The following ST8SIA4 variants were observed in gnomAD, a reference collection of about 807,000 sequenced individuals.
ST8SIA4 encodes CMP-N-acetylneuraminate-poly-alpha-2,8-sialyltransferase.
ST8SIA4 carries 15 observed loss-of-function variants against 33.9 expected under a neutral mutation model. The ratio of observed to expected loss-of-function variants is 0.44; its 90% confidence interval spans 0.30 to 0.68. The LOEUF (loss-of-function observed/expected upper bound fraction) is 0.68. Among genes scored for constraint, ST8SIA4 ranks in the 30% least tolerant of loss-of-function variants. The pLI is 0.10. For missense variants in ST8SIA4, 321 were observed against 428.0 expected, an observed-to-expected ratio of 0.75 and a Z score of 2.21; for synonymous variants, 171 against 151.2, an observed-to-expected ratio of 1.13 and a Z score of -0.96.
chr5:100,889,899 C>T lies in ST8SIA4; in HGVS notation c.246-3299G>A, dbSNP rs73777436. ...ATTTCAAAACAGAAAAGACTACCAA[C>T]TCACATAGACTAATCAAAATATAAA... On this transcript the variant is annotated intron_variant, in intron 2 of 4. Transcript: ENST00000231461. 8.9e-3 allele frequency among the ~76,000 whole-genome samples: 1,360 copies of T among 151,960 alleles called. 16 individuals carry two copies. The highest frequency in any genetic ancestry group is 0.031 in the African/African-American group (1,302 of 41,514).
At chr5:100,835,652 G>C (rs1187284962) in intron 4 of ST8SIA4, among the ~76,000 whole-genome samples, 1 of 152,130 alleles carries the variant, frequency 6.6e-6, no homozygotes, top group Non-Finnish European at 1.5e-5. Context: ...CATTATAGAT[G>C]CTGTGGTTGC....
At position 100,886,529 on chromosome 5, in the gene ST8SIA4, T is replaced by A. The variant is rs1241900815; in HGVS notation, c.317A>T (p.Asp106Val). The change falls in exon 3 of 5, where the codon GAT (aspartate) becomes GTT (valine). Residue 106 changes from aspartate (D) to valine (V), a missense_variant. Asp to Val is a radical substitution (Grantham distance 152). Transcript: ENST00000231461. Reference protein sequence around the residue: ...SVVKSSFKPGDVIHYVLDRRR... With the variant: ...SVVKSSFKPGVVIHYVLDRRR... ...CCTGTCAAGCACATAGTGTATGACATCACCAGGCTTAAAACTGCTCTTGAC... is the reference window on the plus strand; with the variant it reads ...CCTGTCAAGCACATAGTGTATGACAACACCAGGCTTAAAACTGCTCTTGAC... The A allele has an allele frequency of 4.3e-6, 7 of 1,613,756 alleles. No homozygotes were observed. Among genetic ancestry groups the A allele is most frequent in the Non-Finnish European group, 5.1e-6 (6 of 1,179,788 alleles).
chr5:100,890,846 T>C (rs112132157), intron 2 of ST8SIA4: 1 of 152,064 alleles, frequency 6.6e-6, no homozygotes, highest in African/African-American at 2.4e-5. Context: ...AAAACTATTT[T>C]TTTTGTTAGG....
At chr5:100,886,700 A>T in intron 2 of ST8SIA4, 100 bp from the exon 3 acceptor site, 3 of 977,776 alleles carry the variant, frequency 3.1e-6, no homozygotes, top group Non-Finnish European at 4.6e-6. Context: ...ACAAATTGGC[A>T]AACTATTAAT....
intron 2 of ST8SIA4, 109 bp downstream of exon 2, chr5:100,895,545 T>G (rs947599342): frequency 4.7e-6 from 5 of 1,055,504 alleles, no homozygotes; most frequent in Non-Finnish European, 6.8e-6. Context: ...TTCTTTTATT[T>G]AAGTATTCAT....
Position 100,903,001 on chromosome 5 carries a change from C to G in ST8SIA4, c.-46G>C. 1 of 1,397,288 alleles carries G rather than the reference C, an allele frequency of 7.2e-7. No individual in the cohort carries two copies. 86.6% of individuals were successfully genotyped at this position (1,397,288 alleles called of 1,614,324 possible). On this transcript the variant is annotated 5_prime_UTR_variant, in exon 1 of 5. Coordinates refer to ENST00000231461, the MANE Select transcript of ST8SIA4 (RefSeq NM_005668.6). ...CTGGTTGCCCCAGCTCCCGCACCTT[C>G]TCTTGATATAAAGGCTCCGTTTTGG... is the stretch of plus-strand genomic sequence containing the variant.
chr5:100,886,131 CTA>C (rs1752530386), intron 3 of ST8SIA4: 3 of 1,344,190 alleles, frequency 2.2e-6, no homozygotes, highest in Non-Finnish European at 1.9e-6. Context: ...AATCTTGTTG[CTA>C]TGACAGGATC....
In ST8SIA4 at chr5:100,808,686, A is replaced by G. The variant is rs987951568; in HGVS notation, c.*3161T>C. 6.5e-6 allele frequency: 1 copy of G among 152,672 alleles called. No homozygotes were observed. The highest frequency in any genetic ancestry group is 6.5e-5 in the Admixed American group (1 of 15,284). 9.5% of individuals were successfully genotyped at this position (152,672 alleles called of 1,614,324 possible). The stretch of plus-strand genomic sequence containing the variant: ...ATTTCAAGTATGCTTTTATAATTTG[A>G]TTTTGTCATGATCCTTTATGCTCCG... On this transcript the variant is annotated 3_prime_UTR_variant, in exon 5 of 5. Coordinates refer to ENST00000231461, the MANE Select transcript of ST8SIA4 (RefSeq NM_005668.6).
chr5:100,879,606 G>T (rs982744409), intron 3 of ST8SIA4, among the ~76,000 whole-genome samples: 1 of 152,058 alleles, frequency 6.6e-6, no homozygotes, highest in Non-Finnish European at 1.5e-5. Flanking sequence ...ATTTCTCTAG[G>T]TTGTAAGACA....
intron 3 of ST8SIA4, among the ~76,000 whole-genome samples, chr5:100,859,116 G>A (rs1249972154): frequency 2.0e-5 from 3 of 152,052 alleles, no homozygotes; most frequent in Non-Finnish European, 4.4e-5. Flanking sequence ...TAACCAACGA[G>A]CTGTGTTGCA....
chr5:100,867,861 AT>A (rs1422561032), intron 3 of ST8SIA4, among the ~76,000 whole-genome samples: 2 of 152,042 alleles, frequency 1.3e-5, no homozygotes, highest in Non-Finnish European at 2.9e-5. Context: ...ATTGGGAAAA[AT>A]ATCATGAGTG....
intron 4 of ST8SIA4, among the ~76,000 whole-genome samples, chr5:100,853,016 A>G (rs1189156783): frequency 6.6e-6 from 1 of 152,222 alleles, no homozygotes; most frequent in Non-Finnish European, 1.5e-5. Flanking sequence ...ATTGCTCATG[A>G]GAGGCAACCA....
chr5:100,854,505 C>A (rs935292104), intron 4 of ST8SIA4, among the ~76,000 whole-genome samples: 1 of 152,094 alleles, frequency 6.6e-6, no homozygotes, highest in African/African-American at 2.4e-5. Context: ...ACGGCGTGAA[C>A]CCAGGAGGCA....
chr5:100,876,462 G>A (rs1348931079), intron 3 of ST8SIA4, among the ~76,000 whole-genome samples: 1 of 152,010 alleles, frequency 6.6e-6, no homozygotes, highest in Non-Finnish European at 1.5e-5. Flanking sequence ...AGTATTACAA[G>A]GACATTATCT....
In ST8SIA4 at chr5:100,810,798, T is replaced by C. The variant is rs558284850; in HGVS notation, c.*1049A>G. On this transcript the variant is annotated 3_prime_UTR_variant, in exon 5 of 5. Coordinates refer to ENST00000231461, the MANE Select transcript of ST8SIA4 (RefSeq NM_005668.6). ...ACATCTTTCCTTTAGAATGGCCTAA[T>C]ATTACATAGTGGTTCACTTTAGCTG... 1 of 152,712 alleles carries C rather than the reference T, an allele frequency of 6.5e-6. No individual in the cohort carries two copies. The highest frequency in any genetic ancestry group is 2.1e-4 in the South Asian group (1 of 4,818). 9.5% of individuals were successfully genotyped at this position (152,712 alleles called of 1,614,324 possible).
At chr5:100,893,696 G>C (rs2112480739) in intron 2 of ST8SIA4, among the ~76,000 whole-genome samples, 1 of 152,164 alleles carries the variant, frequency 6.6e-6, no homozygotes, top group Middle Eastern at 3.4e-3. Flanking sequence ...ACTTGAACTA[G>C]TGTCAATTAC....
chr5:100,818,990 A>G (rs1281424163), intron 4 of ST8SIA4, among the ~76,000 whole-genome samples: 2 of 152,154 alleles, frequency 1.3e-5, no homozygotes, highest in African/African-American at 2.4e-5. Context: ...AGATCTACAT[A>G]TATTATGTTG....
intron 4 of ST8SIA4, among the ~76,000 whole-genome samples, chr5:100,851,581 T>C (rs950078365): frequency 1.3e-5 from 2 of 152,098 alleles, no homozygotes; most frequent in African/African-American, 4.8e-5. Context: ...AAAGAGTACA[T>C]ATGATTCGAG....
rs186553518 is a variant in ST8SIA4 at position 100,881,858 on chromosome 5, C to T, written c.503+4485G>A. On this transcript the variant is annotated intron_variant, in intron 3 of 4. Coordinates refer to ENST00000231461, the MANE Select transcript of ST8SIA4 (RefSeq NM_005668.6). ...CATCTTCCCCAGTTTCTCTTGCCAC[C>T]GCCATGTAAGAAGGGCCTTTCGCCT... is the stretch of plus-strand genomic sequence containing the variant. Among the ~76,000 whole-genome samples, 97 of 152,254 alleles carry T rather than the reference C, an allele frequency of 6.4e-4. No individual in the cohort carries two copies. In the East Asian group the frequency reaches 0.01, roughly 16 times the overall value.
Sources: allele counts gnomAD v4.1 joint callset (sites outside exome capture counted in the v4.1 genomes callset), GRCh38; gene constraint gnomAD v4.1.1; transcripts MANE v1.5; gene names NCBI Gene and HGNC (gene_info 2026-07-23, HGNC 2026-07-21).